LIMD1: variants seen among roughly 807,000 people sequenced by gnomAD.
LIMD1 encodes LIM domain-containing protein 1.
In LIMD1, 23 loss-of-function variants were observed where a neutral mutation model predicts 58.4. The observed-to-expected ratio is 0.39, with a 90% CI of 0.28 to 0.56. The LOEUF (loss-of-function observed/expected upper bound fraction) is 0.56. LIMD1 is among the 20% of genes least tolerant of loss of function. The pLI is 0.57. For missense variants in LIMD1, 838 were observed against 855.5 expected (o/e 0.98, Z 0.25); for synonymous variants, 334 against 345.5 (o/e 0.97, Z 0.37).
At chr3:45,600,350 C>G (rs1434626556) in intron 1 of LIMD1, among the ~76,000 whole-genome samples, 2 of 152,154 alleles carry the variant, frequency 1.3e-5, no homozygotes, top group African/African-American at 4.8e-5. Context: ...TCCCTGTTGC[C>G]ACCTTTGTAA....
At chr3:45,621,784 G>T (rs1050190659) in intron 1 of LIMD1, among the ~76,000 whole-genome samples, 2 of 152,102 alleles carry the variant, frequency 1.3e-5, no homozygotes, top group African/African-American at 2.4e-5. Flanking sequence ...TGCAATTCAG[G>T]CTGGGCGCGG....
At chr3:45,603,844 A>T (rs977935605) in intron 1 of LIMD1, among the ~76,000 whole-genome samples, 2 of 152,090 alleles carry the variant, frequency 1.3e-5, no homozygotes, top group African/African-American at 4.8e-5. Context: ...CTAAGTCAGG[A>T]AGACATGTAT....
chr3:45,646,460 GTGGACTTC>G (rs1477960402), intron 2 of LIMD1, among the ~76,000 whole-genome samples: 4 of 152,202 alleles, frequency 2.6e-5, no homozygotes, highest in Non-Finnish European at 5.9e-5. Context: ...TGACCTTCAT[GTGGACTTC>G]AGTCCTCTGG....
chr3:45,623,913 G>T (rs1701648003), intron 1 of LIMD1, among the ~76,000 whole-genome samples: 2 of 152,172 alleles, frequency 1.3e-5, no homozygotes, highest in South Asian at 2.1e-4. Context: ...GACTTGAGAA[G>T]TGGGAATTTG....
intron 3 of LIMD1, 95 bp from the exon 4 acceptor site, chr3:45,668,199 T>C: frequency 1.1e-6 from 1 of 931,808 alleles, no homozygotes; most frequent in Non-Finnish European, 1.7e-6. Flanking sequence ...GACACATCTT[T>C]CTGAGAAATT....
intron 2 of LIMD1, among the ~76,000 whole-genome samples, chr3:45,640,556 A>G (rs1200130275): frequency 6.6e-6 from 1 of 152,024 alleles, no homozygotes; most frequent in Admixed American, 6.6e-5. Context: ...CAGCCTCCTA[A>G]GTAGCTGGAA....
intron 1 of LIMD1, among the ~76,000 whole-genome samples, chr3:45,630,727 G>T (rs559113826): frequency 0.011 from 1,613 of 152,146 alleles, 37 homozygotes; most frequent in African/African-American, 0.035. Context: ...GGGTTGGGGG[G>T]CATGTGTGGC....
At chr3:45,670,243 T>C (rs1318992) in intron 4 of LIMD1, among the ~76,000 whole-genome samples, 123,716 of 152,162 alleles carry the variant, frequency 0.81, 50,733 homozygotes, top group African/African-American at 0.92. Flanking sequence ...CAACATGCTC[T>C]GAATTTATGA....
intron 1 of LIMD1, among the ~76,000 whole-genome samples, chr3:45,605,650 G>A (rs577778367): frequency 2.0e-5 from 3 of 152,352 alleles, no homozygotes; most frequent in South Asian, 2.1e-4. Context: ...TAGAAAGGAC[G>A]AAAGGTGTCC....
In LIMD1 at chr3:45,673,485, C is replaced by T; in HGVS notation, c.1804C>T (p.Leu602Phe). Residue 602 changes from leucine (L) to phenylalanine (F), a missense_variant, in exon 6 of 8, where the codon CTT becomes TTT. Physicochemically the swap from Leu to Phe is conservative, Grantham distance 22 (BLOSUM62 0). Transcript: ENST00000273317. ...VLAPKCAACG[L>F]PILPPEGSDE... ...GGCCCCCAAGTGTGCAGCCTGTGGG[C>T]TTCCCATCCTTCCACCTGAGGTAAG... 6.2e-7 allele frequency: 1 copy of T among 1,613,944 alleles called. No homozygotes were observed. The highest frequency in any genetic ancestry group is 1.1e-5 in the South Asian group (1 of 91,078).
In LIMD1 at chr3:45,684,156, G is replaced by A. The variant is rs1465421511; in HGVS notation, c.*7097G>A. 2 of 152,258 alleles carry A rather than the reference G, an allele frequency of 1.3e-5. No individual in the cohort carries two copies. Among genetic ancestry groups the A allele is most frequent in the Admixed American group, 6.5e-5 (1 of 15,288 alleles). 9.4% of individuals were successfully genotyped at this position (152,258 alleles called of 1,614,324 possible). Reference sequence around the variant, plus strand: ...TCCCAGGTAGGCGACAGCCCTAGATGTGTGACACTTCTAGGAGAATCTCTG... The same window carrying A: ...TCCCAGGTAGGCGACAGCCCTAGATATGTGACACTTCTAGGAGAATCTCTG... On this transcript the variant is annotated 3_prime_UTR_variant, in exon 8 of 8. Transcript: ENST00000273317.
intron 2 of LIMD1, among the ~76,000 whole-genome samples, chr3:45,661,676 G>A (rs538619032): frequency 1.3e-5 from 2 of 152,344 alleles, no homozygotes; most frequent in Non-Finnish European, 2.9e-5. Context: ...ACAAGTATCT[G>A]TTTGTCTGTG....
chr3:45,638,052 G>A (rs369555559), intron 2 of LIMD1, among the ~76,000 whole-genome samples: 2 of 27,640 alleles, frequency 7.2e-5, no homozygotes, highest in South Asian at 1.9e-3. Context: ...CTATAGCAAT[G>A]CAGACTGTCT....
rs1456002845 is a variant in LIMD1 at position 45,636,206 on chromosome 3, A to G, written c.1465A>G (p.Met489Val). The G allele has an allele frequency of 4.3e-6, 7 of 1,613,092 alleles. No homozygotes were observed. The highest frequency in any genetic ancestry group is 5.1e-6 in the Non-Finnish European group (6 of 1,179,626). Residue 489 changes from methionine (M) to valine (V), a missense_variant, in exon 2 of 8, where the codon ATG becomes GTG. Physicochemically the swap from Met to Val is conservative, Grantham distance 21. Coordinates refer to ENST00000273317, the MANE Select transcript of LIMD1 (RefSeq NM_014240.3). Reference sequence around the variant, plus strand: ...TGGGGCTGGCCAGGCCTGTCAGGCCATGGGGAACCTCTACCATGACACATG... The same window carrying G: ...TGGGGCTGGCCAGGCCTGTCAGGCCGTGGGGAACCTCTACCATGACACATG... The part of the protein sequence containing the change: ...VFGAGQACQA[M>V]GNLYHDTCFT...
chr3:45,619,692 G>A (rs1701612080), intron 1 of LIMD1, among the ~76,000 whole-genome samples: 2 of 151,992 alleles, frequency 1.3e-5, no homozygotes, highest in Admixed American at 6.6e-5. Context: ...CCAACTACTC[G>A]GGAGACTGAA....
At chr3:45,611,982 G>A (rs920795104) in intron 1 of LIMD1, among the ~76,000 whole-genome samples, 2 of 152,048 alleles carry the variant, frequency 1.3e-5, no homozygotes, top group Non-Finnish European at 1.5e-5. Flanking sequence ...GGTGGGAGGC[G>A]GTGAGGAAGG....
intron 1 of LIMD1, among the ~76,000 whole-genome samples, chr3:45,613,570 C>T (rs1490280837): frequency 6.7e-6 from 1 of 148,278 alleles, no homozygotes; most frequent in Non-Finnish European, 1.5e-5. Context: ...TTTTCCATTT[C>T]CCTGTTGAGG....
At chr3:45,614,769 T>G (rs1295315026) in intron 1 of LIMD1, among the ~76,000 whole-genome samples, 3 of 2,546 alleles carry the variant, frequency 1.2e-3, no homozygotes, top group Non-Finnish European at 0.018. Flanking sequence ...TTCCTGGGTG[T>G]TTTTTTTTTT....
In LIMD1 at chr3:45,594,803, A is replaced by ACACACACACACACACAC. The variant is rs1559510614; in HGVS notation, c.-76_-60dup. 2.9e-4 allele frequency: 73 copies of ACACACACACACACACAC among 250,922 alleles called. No individual in the cohort carries two copies. Among genetic ancestry groups the ACACACACACACACACAC allele is most frequent in the South Asian group, 9.8e-4 (17 of 17,432 alleles). 15.5% of individuals were successfully genotyped at this position (250,922 alleles called of 1,614,324 possible). ...AACACACACACACACACACACACAC[A>ACACACACACACACACAC]CACACACACACACACACACACACAC... On this transcript the variant is annotated 5_prime_UTR_variant, in exon 1 of 8. Transcript: ENST00000273317.
Sources: gnomAD v4.1 joint callset for allele counts (sites outside exome capture counted in the v4.1 genomes callset) on GRCh38, gnomAD v4.1.1 for gene constraint, MANE v1.5 for transcripts, NCBI Gene and HGNC (gene_info 2026-07-23, HGNC 2026-07-21) for gene names.